ZFHX3: variants seen among roughly 807,000 people sequenced by gnomAD.
ZFHX3 encodes zinc finger homeobox protein 3.
Under a neutral mutation model 279.1 loss-of-function variants are expected in ZFHX3, and 42 were observed. That is an observed-to-expected ratio of 0.15 (90% CI 0.12 to 0.19). ZFHX3 has a LOEUF of 0.19. Ranked by LOEUF, ZFHX3 falls within the 10% of genes least tolerant of loss-of-function variation. The probability of loss-of-function intolerance (pLI) is 1.00; values close to 1 mark genes in which losing one functional copy is unlikely to be tolerated. For synonymous variants in ZFHX3, 2,293 were observed against 1,957.8 expected, an observed-to-expected ratio of 1.17 and a Z score of -4.52; for missense variants, 4,981 against 4,754.0, an observed-to-expected ratio of 1.05 and a Z score of -1.40.
At chr16:73,588,710 A>AC (rs1555526505) in intron 2 of ZFHX3, among the ~76,000 whole-genome samples, 12 of 151,234 alleles carry the variant, frequency 7.9e-5, no homozygotes, top group Admixed American at 2.6e-4. Context: ...AACAAAACAA[A>AC]AAAAAAAAAA....
intron 3 of ZFHX3, among the ~76,000 whole-genome samples, chr16:73,353,911 C>T (rs1052367553): frequency 1.3e-4 from 20 of 152,044 alleles, no homozygotes; most frequent in South Asian, 4.2e-4. Context: ...GCATAAAATA[C>T]GCCATGCGCT....
At chr16:73,743,369 C>A (rs1257693586) in intron 1 of ZFHX3, among the ~76,000 whole-genome samples, 1 of 152,150 alleles carries the variant, frequency 6.6e-6, no homozygotes, top group Non-Finnish European at 1.5e-5. Flanking sequence ...TTTGTCATCG[C>A]AAATTACAAT....
chr16:73,412,083 T>C (rs555709324), intron 3 of ZFHX3, among the ~76,000 whole-genome samples: 1 of 152,198 alleles, frequency 6.6e-6, no homozygotes, highest in Admixed American at 6.5e-5. Flanking sequence ...TCCCAGCACT[T>C]GGGAGAGCGA....
chr16:73,279,226 G>T (rs1266220144), intron 4 of ZFHX3, among the ~76,000 whole-genome samples: 2 of 151,918 alleles, frequency 1.3e-5, no homozygotes, highest in Non-Finnish European at 2.9e-5. Context: ...TTCCCTCCAA[G>T]GAGTTTTCAG....
chr16:72,872,056 A>G (rs2038174924), intron 4 of ZFHX3, among the ~76,000 whole-genome samples: 1 of 152,000 alleles, frequency 6.6e-6, no homozygotes, highest in Admixed American at 6.5e-5. Flanking sequence ...CCGCACTTGC[A>G]CTCCAGCCTG....
intron 3 of ZFHX3, among the ~76,000 whole-genome samples, chr16:73,393,240 T>A (rs1000747323): frequency 6.6e-6 from 1 of 152,214 alleles, no homozygotes; most frequent in Non-Finnish European, 1.5e-5. Context: ...GGAGCCATTG[T>A]ACCCGGCCCT....
intron 1 of ZFHX3, among the ~76,000 whole-genome samples, chr16:73,053,800 G>A (rs1965494903): frequency 6.6e-6 from 1 of 152,170 alleles, no homozygotes; most frequent in Admixed American, 6.5e-5. Context: ...CGGGGGTAGG[G>A]ATAAGAGGGC....
At chr16:73,729,554 C>CAA (rs374957755) in intron 1 of ZFHX3, among the ~76,000 whole-genome samples, 6 of 55,050 alleles carry the variant, frequency 1.1e-4, no homozygotes, top group African/African-American at 2.9e-4. Flanking sequence ...ACAAACAAAC[C>CAA]AAAAAAAAAA....
At chr16:73,403,451 G>A (rs1367747162) in intron 3 of ZFHX3, among the ~76,000 whole-genome samples, 1 of 152,200 alleles carries the variant, frequency 6.6e-6, no homozygotes, top group Non-Finnish European at 1.5e-5. Context: ...TGAAGGCGCA[G>A]GAGCGTCTGC....
intron 2 of ZFHX3, among the ~76,000 whole-genome samples, chr16:73,517,521 G>A (rs1597367050): frequency 6.6e-6 from 1 of 152,186 alleles, no homozygotes; most frequent in East Asian, 1.9e-4. Flanking sequence ...AGTTGTTTCA[G>A]TCACCAGGCA....
intron 1 of ZFHX3, among the ~76,000 whole-genome samples, chr16:72,991,636 G>T (rs535168706): frequency 1.4e-3 from 220 of 152,266 alleles, no homozygotes; most frequent in African/African-American, 4.9e-3. Flanking sequence ...TACAGACAAA[G>T]AACATGTTCT....
intron 2 of ZFHX3, among the ~76,000 whole-genome samples, chr16:73,665,357 G>T (rs1292608012): frequency 6.6e-6 from 1 of 152,082 alleles, no homozygotes; most frequent in Non-Finnish European, 1.5e-5. Context: ...GGGATTACAG[G>T]CTCCAGCCAC....
chr16:72,985,495 C>T (rs1279222150), intron 1 of ZFHX3, among the ~76,000 whole-genome samples: 1 of 152,150 alleles, frequency 6.6e-6, no homozygotes, highest in Non-Finnish European at 1.5e-5. Context: ...CCAGGGAGGG[C>T]GAGGCAGAGC....
At chr16:73,188,206 C>A (rs920158093) in intron 5 of ZFHX3, among the ~76,000 whole-genome samples, 4 of 150,670 alleles carry the variant, frequency 2.7e-5, no homozygotes, top group African/African-American at 9.8e-5. Context: ...TATTATTTTC[C>A]TTTTAAGAGA....
intron 6 of ZFHX3, among the ~76,000 whole-genome samples, chr16:73,139,668 G>C (rs565718041): frequency 1.3e-5 from 2 of 152,338 alleles, no homozygotes; most frequent in African/African-American, 4.8e-5. Flanking sequence ...GGAGTTGGCT[G>C]CCGCCGTGAT....
chr16:73,668,926 A>C (rs1291006582), intron 2 of ZFHX3, among the ~76,000 whole-genome samples: 2 of 152,184 alleles, frequency 1.3e-5, no homozygotes, highest in Non-Finnish European at 2.9e-5. Context: ...GGATATGGAG[A>C]AATAGGAATA....
chr16:73,007,277 A>G (rs1162988431), intron 1 of ZFHX3, among the ~76,000 whole-genome samples: 1 of 152,102 alleles, frequency 6.6e-6, no homozygotes, highest in African/African-American at 2.4e-5. Context: ...AACCTTTGTG[A>G]TGGTGTTGGT....
At chr16:73,855,216 C>CTTTTTTTTTTTT (rs1032892286) in intron 1 of ZFHX3, among the ~76,000 whole-genome samples, 1 of 111,494 alleles carries the variant, frequency 9.0e-6, no homozygotes, top group Non-Finnish European at 1.8e-5. Flanking sequence ...AGGCGTTAGC[C>CTTTTTTTTTTTT]TTTTTTTTTT....
chr16:73,448,695 T>TGTGTGA (rs1474070428), intron 3 of ZFHX3, among the ~76,000 whole-genome samples: 252 of 151,018 alleles, frequency 1.7e-3, no homozygotes, highest in Middle Eastern at 3.4e-3. Context: ...CGTGTGTGTG[T>TGTGTGA]GTGTGTGTGT....
Sources: gnomAD v4.1 joint callset for allele counts (sites outside exome capture counted in the v4.1 genomes callset) on GRCh38, gnomAD v4.1.1 for gene constraint, MANE v1.5 for transcripts, NCBI Gene and HGNC (gene_info 2026-07-23, HGNC 2026-07-21) for gene names.